The following BCL7A variants were observed in gnomAD, a reference collection of about 807,000 sequenced individuals.
BCL7A encodes B-cell CLL/lymphoma 7 protein family member A.
Under a neutral mutation model 28.4 loss-of-function variants are expected in BCL7A, and 11 were observed. That is an observed-to-expected ratio of 0.39 (90% confidence interval 0.24 to 0.64). The LOEUF is 0.64. Ranked by LOEUF, BCL7A falls within the 30% of genes least tolerant of loss-of-function variation. The probability of loss-of-function intolerance (pLI) is 0.50; values close to 1 mark genes in which losing one functional copy is unlikely to be tolerated. For synonymous variants in BCL7A, 123 were observed against 103.3 expected (o/e 1.19, Z -1.15); for missense variants, 222 against 274.8 (o/e 0.81, Z 1.36).
chr12:122,046,264 G>T (rs61650784), intron 4 of BCL7A, among the ~76,000 whole-genome samples: 1 of 152,226 alleles, frequency 6.6e-6, no homozygotes, highest in Non-Finnish European at 1.5e-5. Flanking sequence ...CAGTGGCTGA[G>T]CGGGTCTGGG....
intron 4 of BCL7A, among the ~76,000 whole-genome samples, chr12:122,052,818 G>A (rs1051136041): frequency 7.0e-6 from 1 of 142,424 alleles, no homozygotes; most frequent in African/African-American, 2.6e-5. Flanking sequence ...AAGTAGCTGG[G>A]ATTACAGGCG....
intron 4 of BCL7A, among the ~76,000 whole-genome samples, chr12:122,052,258 T>C (rs1239593926): frequency 6.6e-6 from 1 of 152,164 alleles, no homozygotes; most frequent in Admixed American, 6.5e-5. Flanking sequence ...GTTCACAAAC[T>C]CCTGAGCTCA....
In BCL7A at chr12:122,059,286, C is replaced by T. The variant is rs1283302021; in HGVS notation, c.*123C>T. ...AGAACTACTAACGTTTCAAGTTTACCAAGTGCAAATCCAAGAAGACCCAGA... is the reference window on the plus strand; with the variant it reads ...AGAACTACTAACGTTTCAAGTTTACTAAGTGCAAATCCAAGAAGACCCAGA... On this transcript the variant is annotated 3_prime_UTR_variant, in exon 6 of 6. Transcript: ENST00000261822. This position sits in a 1 kb window ranked among gnomAD's most constrained non-coding sequence, Gnocchi z 4.0. 1 of 901,704 alleles carries T rather than the reference C, an allele frequency of 1.1e-6. No homozygotes were observed. The highest frequency in any genetic ancestry group is 1.7e-6 in the Non-Finnish European group (1 of 584,754). The allele number at this position is 901,704 out of a possible 1,614,324, so 55.9% of individuals were successfully genotyped here.
At chr12:122,057,382 G>A (rs1187208084) in intron 5 of BCL7A, among the ~76,000 whole-genome samples, 2 of 152,222 alleles carry the variant, frequency 1.3e-5, no homozygotes. Context: ...CTTGGTCCTG[G>A]TGAGGAACTG....
intron 1 of BCL7A, 62 bp downstream of exon 1, chr12:122,022,245 A>G: frequency 2.7e-6 from 3 of 1,100,278 alleles, no homozygotes; most frequent in Non-Finnish European, 3.4e-6. Context: ...GCGCGGCTCC[A>G]GAGAGCCGCG....
chr12:122,043,486 A>G (rs2135851929), intron 3 of BCL7A, among the ~76,000 whole-genome samples: 1 of 152,142 alleles, frequency 6.6e-6, no homozygotes, highest in Admixed American at 6.6e-5. Flanking sequence ...GACCCCTACC[A>G]CACGGCCGGG....
intron 5 of BCL7A, 169 bp downstream of exon 5, chr12:122,055,095 T>A: frequency 7.3e-7 from 1 of 1,372,346 alleles, no homozygotes; most frequent in Non-Finnish European, 9.9e-7. Flanking sequence ...TCCTGGGCTC[T>A]GCCTTGGGCT....
chr12:122,050,308 GC>G (rs965857270), intron 4 of BCL7A, among the ~76,000 whole-genome samples: 1 of 151,408 alleles, frequency 6.6e-6, no homozygotes, highest in African/African-American at 2.4e-5. Context: ...TGGGGGGGGG[GC>G]CATCCTGTGC....
At chr12:122,030,259 G>A (rs1001176550) in intron 1 of BCL7A, among the ~76,000 whole-genome samples, 9 of 152,224 alleles carry the variant, frequency 5.9e-5, no homozygotes, top group African/African-American at 2.2e-4. Flanking sequence ...ATCGCCCAGA[G>A]GGCAGGAGGA....
At chr12:122,023,853 C>T (rs1736568672) in intron 1 of BCL7A, among the ~76,000 whole-genome samples, 1 of 152,310 alleles carries the variant, frequency 6.6e-6, no homozygotes, top group Admixed American at 6.5e-5. Context: ...AGCCCCTGTG[C>T]AAAGAAAGAA....
intron 5 of BCL7A, among the ~76,000 whole-genome samples, chr12:122,055,401 C>G (rs1459731671): frequency 1.3e-5 from 2 of 152,192 alleles, no homozygotes; most frequent in Non-Finnish European, 1.5e-5. Flanking sequence ...CTGAATGAGT[C>G]AGCACAGGTG....
chr12:122,023,108 T>C (rs1883510660), intron 1 of BCL7A, among the ~76,000 whole-genome samples: 1 of 152,314 alleles, frequency 6.6e-6, no homozygotes, highest in East Asian at 1.9e-4. Context: ...CCGGTCGACA[T>C]TAAGGGGATC....
intron 1 of BCL7A, among the ~76,000 whole-genome samples, chr12:122,030,469 T>C (rs1164112539): frequency 2.0e-5 from 3 of 152,190 alleles, no homozygotes; most frequent in Non-Finnish European, 4.4e-5. Flanking sequence ...CCCTCAGCCT[T>C]TTTGGCGACA....
chr12:122,027,422 C>A (rs1883651337), intron 1 of BCL7A, among the ~76,000 whole-genome samples: 1 of 152,168 alleles, frequency 6.6e-6, no homozygotes, highest in African/African-American at 2.4e-5. Flanking sequence ...CACCTGTAAT[C>A]CCAGCATTTT....
chr12:122,023,779 C>T (rs2135835098), intron 1 of BCL7A, among the ~76,000 whole-genome samples: 1 of 152,344 alleles, frequency 6.6e-6, no homozygotes, highest in Non-Finnish European at 1.5e-5. Context: ...TGGAAAACAA[C>T]CCGCAGCCCC....
At chr12:122,026,281 A>G (rs577292569) in intron 1 of BCL7A, among the ~76,000 whole-genome samples, 144 of 151,722 alleles carry the variant, frequency 9.5e-4, no homozygotes, top group Middle Eastern at 6.8e-3. Flanking sequence ...AAAAAAAAAA[A>G]AAAAGAAAAA....
At chr12:122,053,065 G>A (rs187501205) in intron 4 of BCL7A, among the ~76,000 whole-genome samples, 106 of 151,512 alleles carry the variant, frequency 7.0e-4, no homozygotes, top group Middle Eastern at 3.4e-3. Flanking sequence ...GCATGATCTC[G>A]GCTCCCAATC....
chr12:122,024,342 T>C (rs1883562986), intron 1 of BCL7A, among the ~76,000 whole-genome samples: 2 of 152,372 alleles, frequency 1.3e-5, no homozygotes, highest in African/African-American at 2.4e-5. Flanking sequence ...CCTCGGGTTA[T>C]TGAGGACGAT....
At chr12:122,033,226 C>A (rs1883779113) in intron 2 of BCL7A, among the ~76,000 whole-genome samples, 1 of 151,830 alleles carries the variant, frequency 6.6e-6, no homozygotes, top group Admixed American at 6.6e-5. Context: ...GCCTCGACCT[C>A]CTGGGCTCAA....
Sources: allele counts gnomAD v4.1 joint callset (sites outside exome capture counted in the v4.1 genomes callset), GRCh38; gene constraint gnomAD v4.1.1; non-coding constraint Gnocchi (gnomAD v3.1); transcripts MANE v1.5; gene names NCBI Gene and HGNC (gene_info 2026-07-23, HGNC 2026-07-21).